Variants in CADPS2 observed in about 807,000 individuals in gnomAD.
CADPS2 encodes calcium dependent secretion activator 2.
CADPS2 carries 93 observed loss-of-function variants against 172.5 expected under a neutral mutation model. The observed-to-expected ratio is 0.54, with a 90% CI of 0.46 to 0.64. The LOEUF (loss-of-function observed/expected upper bound fraction) is 0.64, where lower values mean the gene tolerates loss of function less well. CADPS2 is among the 30% of genes least tolerant of loss of function. The pLI is 0.00. For missense variants in CADPS2, 1,420 were observed against 1,565.9 expected, an observed-to-expected ratio of 0.91 and a Z score of 1.57; for synonymous variants, 546 against 555.2, an observed-to-expected ratio of 0.98 and a Z score of 0.23.
chr7:122,599,021 G>A (rs765450734), intron 6 of CADPS2, among the ~76,000 whole-genome samples: 16 of 152,020 alleles, frequency 1.1e-4, no homozygotes, highest in Non-Finnish European at 2.1e-4. Context: ...TGCTAAACTG[G>A]AGCCTTCAAG....
At chr7:122,865,372 C>G (rs1818035129) in intron 1 of CADPS2, among the ~76,000 whole-genome samples, 1 of 152,170 alleles carries the variant, frequency 6.6e-6, no homozygotes, top group Non-Finnish European at 1.5e-5. Flanking sequence ...TCCCACTAGA[C>G]TGAACTTAAG....
intron 2 of CADPS2, chr7:122,698,695 AT>A: frequency 6.2e-7 from 1 of 1,613,892 alleles, no homozygotes; most frequent in Non-Finnish European, 8.5e-7. Context: ...TGGTGGCACT[AT>A]AACTCCTGCC....
intron 12 of CADPS2, among the ~76,000 whole-genome samples, chr7:122,474,807 A>G (rs1186479736): frequency 6.6e-6 from 1 of 152,190 alleles, no homozygotes; most frequent in Non-Finnish European, 1.5e-5. Flanking sequence ...ACTCTGAGAA[A>G]AGCTGTATTT....
chr7:122,645,555 TAG>T (rs1229778761), intron 3 of CADPS2, among the ~76,000 whole-genome samples: 10 of 120,356 alleles, frequency 8.3e-5, no homozygotes, highest in African/African-American at 3.1e-4. Flanking sequence ...TATATATACT[TAG>T]AGAATATATA....
chr7:122,540,454 T>TGG (rs2062797365), intron 8 of CADPS2, among the ~76,000 whole-genome samples: 1 of 152,116 alleles, frequency 6.6e-6, no homozygotes, highest in Non-Finnish European at 1.5e-5. Context: ...CCATAGATCA[T>TGG]TTTAACAAAG....
chr7:122,880,021 AATT>A (rs1456492722), intron 1 of CADPS2, among the ~76,000 whole-genome samples: 128 of 152,332 alleles, frequency 8.4e-4, no homozygotes, highest in African/African-American at 3.0e-3. Context: ...TTACTTTAAT[AATT>A]ATGTTAGAAT....
At chr7:122,343,784 TCAC>T (rs1345975045) in intron 28 of CADPS2, among the ~76,000 whole-genome samples, 1 of 152,082 alleles carries the variant, frequency 6.6e-6, no homozygotes, top group African/African-American at 2.4e-5. Context: ...GTTTTGAAAA[TCAC>T]CACATTAGCA....
chr7:122,388,466 T>A, intron 23 of CADPS2, 117 bp downstream of exon 23: 1 of 1,021,842 alleles, frequency 9.8e-7, no homozygotes, highest in Admixed American at 2.9e-5. Flanking sequence ...CATTAAATGT[T>A]GGAATAGTGG....
At chr7:122,488,216 A>G (rs2058007296) in intron 11 of CADPS2, among the ~76,000 whole-genome samples, 1 of 152,196 alleles carries the variant, frequency 6.6e-6, no homozygotes, top group African/African-American at 2.4e-5. Context: ...ACTTGAGTTA[A>G]TGTTGTGCTG....
At chr7:122,561,599 C>T (rs996796218) in intron 7 of CADPS2, among the ~76,000 whole-genome samples, 4 of 152,204 alleles carry the variant, frequency 2.6e-5, no homozygotes, top group South Asian at 2.1e-4. Flanking sequence ...TAGTAGTCTA[C>T]GCTCCTTGAG....
intron 29 of CADPS2, among the ~76,000 whole-genome samples, chr7:122,322,608 T>A (rs1347220478): frequency 1.3e-5 from 2 of 152,208 alleles, no homozygotes; most frequent in Non-Finnish European, 2.9e-5. Flanking sequence ...ATGTGGCCAC[T>A]ATGGAGAACA....
At chr7:122,765,631 A>G (rs562139744) in intron 1 of CADPS2, among the ~76,000 whole-genome samples, 1 of 152,266 alleles carries the variant, frequency 6.6e-6, no homozygotes, top group African/African-American at 2.4e-5. Flanking sequence ...TAGGAAAATA[A>G]CATGTCCTCT....
chr7:122,507,547 T>C (rs1035561086), intron 9 of CADPS2, among the ~76,000 whole-genome samples: 2 of 152,106 alleles, frequency 1.3e-5, no homozygotes, highest in Non-Finnish European at 2.9e-5. Flanking sequence ...AAAATAACTA[T>C]TCAAAGAGGA....
chr7:122,518,337 G>GA (rs1476946334), intron 8 of CADPS2, among the ~76,000 whole-genome samples: 4 of 151,924 alleles, frequency 2.6e-5, no homozygotes, highest in African/African-American at 9.7e-5. Context: ...GCTGTAAAAG[G>GA]AAAATGCACA....
intron 1 of CADPS2, among the ~76,000 whole-genome samples, chr7:122,872,161 T>C (rs1819924894): frequency 1.3e-5 from 2 of 152,098 alleles, no homozygotes; most frequent in Admixed American, 6.6e-5. Context: ...TAGCCCCACA[T>C]TGCTTATCTC....
intron 7 of CADPS2, among the ~76,000 whole-genome samples, chr7:122,577,195 A>C (rs572255198): frequency 6.6e-6 from 1 of 152,214 alleles, no homozygotes; most frequent in African/African-American, 2.4e-5. Flanking sequence ...GAACTGAGTC[A>C]ATTAAACCTC....
intron 20 of CADPS2, among the ~76,000 whole-genome samples, chr7:122,397,152 G>A (rs1312137638): frequency 6.6e-6 from 1 of 151,964 alleles, no homozygotes; most frequent in African/African-American, 2.4e-5. Context: ...TAATGAATGT[G>A]GCAAAGAAAG....
chr7:122,523,408 T>C (rs1419752457), intron 8 of CADPS2, among the ~76,000 whole-genome samples: 1 of 152,164 alleles, frequency 6.6e-6, no homozygotes, highest in Non-Finnish European at 1.5e-5. Context: ...AAAGACAGTT[T>C]TTCCTGATAT....
intron 19 of CADPS2, among the ~76,000 whole-genome samples, chr7:122,413,526 G>A (rs930867422): frequency 1.3e-5 from 2 of 152,144 alleles, no homozygotes; most frequent in Admixed American, 6.6e-5. Context: ...GTGGAGAGAG[G>A]GAGAATGAAA....
Sources: gnomAD v4.1 joint callset for allele counts (sites outside exome capture counted in the v4.1 genomes callset) on GRCh38, gnomAD v4.1.1 for gene constraint, MANE v1.5 for transcripts, NCBI Gene and HGNC (gene_info 2026-07-23, HGNC 2026-07-21) for gene names.